ADGRG2: variants seen among roughly 807,000 people sequenced by gnomAD.
ADGRG2 encodes adhesion G protein-coupled receptor G2.
A neutral mutation model predicts 74.1 loss-of-function variants in ADGRG2; 26 were observed. The ratio of observed to expected loss-of-function variants is 0.35; its 90% CI spans 0.26 to 0.49. The LOEUF is 0.49. Ranked by LOEUF, ADGRG2 falls within the 20% of genes least tolerant of loss-of-function variation. ADGRG2 has a pLI of 0.99. For synonymous variants in ADGRG2, 296 were observed against 295.2 expected (o/e 1.00, Z -0.03); for missense variants, 619 against 763.1 (o/e 0.81, Z 2.22).
intron 1 of ADGRG2, among the ~76,000 whole-genome samples, chrX:19,114,944 A>T (rs1290878070): frequency 8.9e-6 from 1 of 111,920 alleles, no homozygotes; most frequent in Non-Finnish European, 1.9e-5. Context: ...CTGTAAAATG[A>T]TGAGAATTGT....
chrX:19,056,898 A>G (rs1032272302), intron 3 of ADGRG2, among the ~76,000 whole-genome samples: 2 of 111,609 alleles, frequency 1.8e-5, no homozygotes, highest in African/African-American at 6.5e-5. Flanking sequence ...AAGGAGACTG[A>G]CTTGGGTTCA....
chrX:19,066,566 C>T (rs1815372429), intron 3 of ADGRG2, among the ~76,000 whole-genome samples: 1 of 106,414 alleles, frequency 9.4e-6, no homozygotes, highest in Non-Finnish European at 1.9e-5. Flanking sequence ...AGCAATCCTC[C>T]CATCTCAGCC....
chrX:19,070,095 A>G (rs2061629994), intron 2 of ADGRG2, among the ~76,000 whole-genome samples: 1 of 111,126 alleles, frequency 9.0e-6, no homozygotes, highest in South Asian at 3.9e-4. Context: ...GTACCCACTC[A>G]CCTGCGTGCT....
intron 3 of ADGRG2, among the ~76,000 whole-genome samples, chrX:19,046,723 A>G (rs1482444605): frequency 9.0e-6 from 1 of 111,653 alleles, no homozygotes; most frequent in Non-Finnish European, 1.9e-5. Context: ...ATTACCAGAT[A>G]CCGATGAACA....
intron 2 of ADGRG2, among the ~76,000 whole-genome samples, chrX:19,073,927 G>A (rs1446757824): frequency 8.9e-6 from 1 of 111,914 alleles, no homozygotes. Context: ...CACCACAAGG[G>A]GAAATGTAAA....
At chrX:19,106,875 A>G (rs1261716559) in intron 1 of ADGRG2, among the ~76,000 whole-genome samples, 3 of 109,582 alleles carry the variant, frequency 2.7e-5, no homozygotes, top group Non-Finnish European at 3.8e-5. Flanking sequence ...AGCCGAGATC[A>G]TGCCACTGCA....
chrX:19,107,630 G>GTTTTT (rs1340869361), intron 1 of ADGRG2, among the ~76,000 whole-genome samples: 1 of 56,651 alleles, frequency 1.8e-5, no homozygotes, highest in Non-Finnish European at 2.9e-5. Context: ...CAGGAGTTTT[G>GTTTTT]TTTTTTGTTT....
intron 11 of ADGRG2, among the ~76,000 whole-genome samples, chrX:19,025,968 C>A (rs1026959232): frequency 8.9e-6 from 1 of 111,963 alleles, no homozygotes; most frequent in Non-Finnish European, 1.9e-5. Context: ...TTCTGCTTTA[C>A]ATTTCACATA....
chrX:19,069,951 G>A (rs1215909114), intron 2 of ADGRG2, among the ~76,000 whole-genome samples: 1 of 112,455 alleles, frequency 8.9e-6, no homozygotes, highest in Non-Finnish European at 1.9e-5. Flanking sequence ...GTCCAAGGAT[G>A]GCAATGCTAA....
intron 1 of ADGRG2, among the ~76,000 whole-genome samples, chrX:19,099,344 T>C (rs1391083941): frequency 8.9e-6 from 1 of 112,319 alleles, no homozygotes; most frequent in East Asian, 2.8e-4. Flanking sequence ...GCAACGACCC[T>C]GGTTAGGGCA....
chrX:19,105,661 C>T lies in ADGRG2; in HGVS notation c.-47+16781G>A, dbSNP rs772120713. On this transcript the variant is annotated intron_variant, in intron 1 of 28. Coordinates refer to ENST00000379869, the MANE Select transcript of ADGRG2 (RefSeq NM_001079858.3). Reference sequence around the variant, plus strand: ...AGTTGATGGGTGCAGCAAACCACCACGGCACGTGTATACCTATGTAACAAA... The same window carrying T: ...AGTTGATGGGTGCAGCAAACCACCATGGCACGTGTATACCTATGTAACAAA... Among the ~76,000 whole-genome samples, 201 of 111,031 alleles carry T rather than the reference C, an allele frequency of 1.8e-3. 1 individual carries two copies. The highest frequency in any genetic ancestry group is 9.3e-3 in the Middle Eastern group (2 of 216).
chrX:19,074,562 CTTTT>C (rs1212446647), intron 2 of ADGRG2, among the ~76,000 whole-genome samples: 6 of 67,196 alleles, frequency 8.9e-5, no homozygotes, highest in Middle Eastern at 9.4e-3. Flanking sequence ...TCTTCTTCTT[CTTTT>C]TTTTTTTTTT....
chrX:19,002,730 T>C (rs1039884752), intron 24 of ADGRG2, 116 bp downstream of exon 24: 3 of 678,722 alleles, frequency 4.4e-6, no homozygotes, highest in Non-Finnish European at 4.6e-6. Flanking sequence ...AGTATAAAGC[T>C]GTTTTAGAAA....
At chrX:18,995,390 G>T (rs2059999955) in intron 27 of ADGRG2, among the ~76,000 whole-genome samples, 1 of 111,681 alleles carries the variant, frequency 9.0e-6, no homozygotes, top group Non-Finnish European at 1.9e-5. Context: ...ATGACTAATT[G>T]TTCTTCACTC....
At chrX:19,108,599 C>T (rs774020648) in intron 1 of ADGRG2, among the ~76,000 whole-genome samples, 3 of 112,144 alleles carry the variant, frequency 2.7e-5, no homozygotes, top group African/African-American at 9.7e-5. Flanking sequence ...GACAATCACC[C>T]AACTATAACC....
Position 19,033,657 on chromosome X carries a change from G to T in ADGRG2, c.263-3C>A. On this transcript the variant is annotated splice_region_variant and splice_polypyrimidine_tract_variant and intron_variant, in intron 7 of 28. Coordinates refer to ENST00000379869, the MANE Select transcript of ADGRG2 (RefSeq NM_001079858.3). ...TACTATAGTGATTTTAGTTTTTTCTGCAAAGAAACAACTTAAATATTAGAG... is the reference window on the plus strand; with the variant it reads ...TACTATAGTGATTTTAGTTTTTTCTTCAAAGAAACAACTTAAATATTAGAG... 1.3e-6 allele frequency: 1 copy of T among 766,035 alleles called. No homozygotes were observed. The highest frequency in any genetic ancestry group is 2.0e-6 in the Non-Finnish European group (1 of 504,217). 63.1% of individuals were successfully genotyped at this position (766,035 alleles called of 1,213,427 possible). A position where few individuals can be genotyped will look rare whatever the true frequency, so the allele number is the denominator to read the frequency against.
chrX:19,074,563 T>TTC (rs1555907707), intron 2 of ADGRG2, among the ~76,000 whole-genome samples: 1 of 55,424 alleles, frequency 1.8e-5, no homozygotes, highest in Non-Finnish European at 3.1e-5. Flanking sequence ...CTTCTTCTTC[T>TTC]TTTTTTTTTT....
At chrX:19,084,502 T>G (rs1163801453) in intron 1 of ADGRG2, among the ~76,000 whole-genome samples, 1 of 111,837 alleles carries the variant, frequency 8.9e-6, no homozygotes, top group East Asian at 2.8e-4. Context: ...AACCATGTTG[T>G]CCTGTCCTAC....
chrX:19,082,846 C>T (rs139692505), intron 1 of ADGRG2, 100 bp from the exon 2 acceptor site: 2 of 112,518 alleles, frequency 1.8e-5, no homozygotes, highest in Admixed American at 9.4e-5. Flanking sequence ...GCTCATCAGC[C>T]GACGCCCCCT....
Sources: gnomAD v4.1 joint callset for allele counts (sites outside exome capture counted in the v4.1 genomes callset) on GRCh38, gnomAD v4.1.1 for gene constraint, MANE v1.5 for transcripts, NCBI Gene and HGNC (gene_info 2026-07-23, HGNC 2026-07-21) for gene names.